SAMD10: variants seen among roughly 807,000 people sequenced by gnomAD.
SAMD10 encodes sterile alpha motif domain-containing protein 10.
In SAMD10, 16 loss-of-function variants were observed where a neutral mutation model predicts 22.5. The ratio of observed to expected loss-of-function variants is 0.71; its 90% CI spans 0.48 to 1.08. The LOEUF (loss-of-function observed/expected upper bound fraction) is 1.08, where lower values mean the gene tolerates loss of function less well. Among genes scored for constraint, SAMD10 ranks in the 50% least tolerant of loss-of-function variants. The probability of loss-of-function intolerance (pLI) is 0.00; values close to 1 mark genes in which losing one functional copy is unlikely to be tolerated. For missense variants in SAMD10, 227 were observed against 281.3 expected (o/e 0.81, Z 1.38); for synonymous variants, 118 against 122.2 (o/e 0.97, Z 0.23).
At position 63,975,528 on chromosome 20, in the gene SAMD10, G is replaced by C. The variant is rs765703367; in HGVS notation, c.591C>G (p.Ser197=). ...GRSLQLLSQA[S]FGKMS is the part of the protein sequence containing the mutation. ...GCAGCAGCTAGGACATTTTCCCGAA[G>C]GAAGCTGTGTGATGGAAGAGGGTGA... Residue 197 remains serine (S), a synonymous_variant, in exon 5 of 5, where the codon TCC becomes TCG. Transcript: ENST00000369886. 6.2e-7 allele frequency: 1 copy of C among 1,607,022 alleles called. No homozygotes were observed. The highest frequency in any genetic ancestry group is 8.5e-7 in the Non-Finnish European group (1 of 1,177,960).
chr20:63,975,871 A>C, intron 3 of SAMD10, 39 bp from the exon 4 acceptor site: 1 of 1,520,794 alleles, frequency 6.6e-7, no homozygotes, highest in Non-Finnish European at 8.8e-7. Flanking sequence ...AGGCCAACAG[A>C]GGCATCAAGA....
At chr20:63,976,283 C>T (rs536988939) in intron 3 of SAMD10, among the ~76,000 whole-genome samples, 18 of 151,314 alleles carry the variant, frequency 1.2e-4, no homozygotes, top group Admixed American at 2.0e-4. Flanking sequence ...CAGAGAGACT[C>T]GGAGAGAGGG....
chr20:63,975,617 C>T (rs1449851853), intron 4 of SAMD10, 75 bp downstream of exon 4: 1 of 1,580,882 alleles, frequency 6.3e-7, no homozygotes, highest in East Asian at 2.3e-5. Context: ...CAGCCGACCT[C>T]CTGAGGTCAT....
chr20:63,978,041 G>A (rs817347), intron 1 of SAMD10, among the ~76,000 whole-genome samples: 38,940 of 152,180 alleles, frequency 0.26, 6,269 homozygotes, highest in African/African-American at 0.45. Flanking sequence ...CAGCTGTGCC[G>A]CCCCCCACAG....
chr20:63,977,099 G>A lies in SAMD10; in HGVS notation c.317C>T (p.Pro106Leu), dbSNP rs1032366676. Residue 106 changes from proline (P) to leucine (L), a missense_variant, in exon 3 of 5, where the codon CCC becomes CTC. Physicochemically the swap from Pro to Leu is moderately conservative, Grantham distance 98. Transcript: ENST00000369886. This position sits in a 1 kb window ranked among gnomAD's most constrained non-coding sequence, Gnocchi z 5.4. Reference protein sequence around the residue: ...SDHYGLYHTSPSLGGLTRPVV... With the variant: ...SDHYGLYHTSLSLGGLTRPVV... ...GGGCCGGGTCAGGCCACCCAGCGAG[G>A]GGCTTGTATGGTACAGGCCATAGTG... is the stretch of plus-strand genomic sequence containing the variant. 1.2e-6 allele frequency: 2 copies of A among 1,614,010 alleles called. No individual in the cohort carries two copies. Among genetic ancestry groups the A allele is most frequent in the African/African-American group, 2.7e-5 (2 of 74,908 alleles).
At chr20:63,975,558 G>T (rs754431455) in intron 4 of SAMD10, 26 bp from the exon 5 acceptor site, 1 of 1,602,916 alleles carries the variant, frequency 6.2e-7, no homozygotes. Flanking sequence ...GGGTGAGAAT[G>T]GGGTGGGGTC....
At position 63,975,315 on chromosome 20, in the gene SAMD10, G is replaced by C; in HGVS notation, c.*195C>G. ...ACTCAAGCAGCCCCCTACCCACCCA[G>C]CCCCAGGGCACGACCTGGAATGTCC... On this transcript the variant is annotated 3_prime_UTR_variant, in exon 5 of 5. Coordinates refer to ENST00000369886, the MANE Select transcript of SAMD10 (RefSeq NM_080621.5). 11 of 588,798 alleles carry C rather than the reference G, an allele frequency of 1.9e-5. No homozygotes were observed. The highest frequency in any genetic ancestry group is 2.0e-5 in the Non-Finnish European group (7 of 346,252). 36.5% of individuals were successfully genotyped at this position (588,798 alleles called of 1,614,324 possible).
chr20:63,978,047 C>T (rs947157636), intron 1 of SAMD10, among the ~76,000 whole-genome samples: 1 of 152,274 alleles, frequency 6.6e-6, no homozygotes, highest in Non-Finnish European at 1.5e-5. Flanking sequence ...TGCCGCCCCC[C>T]ACAGGGCCTG....
rs1465525146 is a variant in SAMD10, at chr20:63,975,678, C to T, written c.586+14G>A. On this transcript the variant is annotated intron_variant, in intron 4 of 4. Coordinates refer to ENST00000369886, the MANE Select transcript of SAMD10 (RefSeq NM_080621.5). Reference sequence around the variant, plus strand: ...TCCATCAGCCCCCAGGCCTCTCTGGCACCTCACACTGACCTTGGCTGAGCA... The same window carrying T: ...TCCATCAGCCCCCAGGCCTCTCTGGTACCTCACACTGACCTTGGCTGAGCA... 1 of 1,591,660 alleles carries T rather than the reference C, an allele frequency of 6.3e-7. No homozygotes were observed. The highest frequency in any genetic ancestry group is 8.6e-7 in the Non-Finnish European group (1 of 1,168,476).
Position 63,979,622 on chromosome 20 carries a change from A to G in SAMD10, c.-155T>C, listed in dbSNP as rs1337432988. 3 of 984,704 alleles carry G rather than the reference A, an allele frequency of 3.0e-6. No individual in the cohort carries two copies. The highest frequency in any genetic ancestry group is 3.6e-6 in the Non-Finnish European group (3 of 830,004). 61.0% of individuals were successfully genotyped at this position (984,704 alleles called of 1,614,324 possible). On this transcript the variant is annotated 5_prime_UTR_variant, in exon 1 of 5. Transcript: ENST00000369886. The surrounding 1 kb of genome is among the most constrained non-coding windows in gnomAD (Gnocchi z 7.7). ...GGCCCGCGAGTGTGCGCGACGAGGC[A>G]CCTGCCGCCGAGCCCTGTGTGCCGG... is the stretch of plus-strand genomic sequence containing the variant.
rs2122937258 is a variant in SAMD10 at position 63,977,479 on chromosome 20, C to T, written c.92-73G>A. ...GCTTCCTCTACTTGAGAGCTAGCTCCCTGCCCCATCTCCTCCACACTAGTG... is the reference window on the plus strand; with the variant it reads ...GCTTCCTCTACTTGAGAGCTAGCTCTCTGCCCCATCTCCTCCACACTAGTG... On this transcript the variant is annotated intron_variant, in intron 1 of 4. Transcript: ENST00000369886. The surrounding 1 kb of genome is among the most constrained non-coding windows in gnomAD (Gnocchi z 5.4). 4.1e-6 allele frequency: 6 copies of T among 1,460,846 alleles called. No homozygotes were observed. Among genetic ancestry groups the T allele is most frequent in the Non-Finnish European group, 5.7e-6 (6 of 1,061,068 alleles). 90.5% of individuals were successfully genotyped at this position (1,460,846 alleles called of 1,614,324 possible). A position where few individuals can be genotyped will look rare whatever the true frequency, so the allele number is the denominator to read the frequency against.
chr20:63,979,854 C>G (rs1457440219), upstream of SAMD10: 1 of 201,234 alleles, frequency 5.0e-6, no homozygotes, highest in African/African-American at 2.4e-5. The surrounding 1 kb of genome is among the most constrained non-coding windows in gnomAD (Gnocchi z 7.7). Context: ...TTCTACCTAC[C>G]GGGGCCAGGA....
At position 63,975,146 on chromosome 20, in the gene SAMD10, C is replaced by A; in HGVS notation, c.*364G>T. ...AGCAGGCGATGGGGGACCGACATCA[C>A]GTGGAGAGGGGAATGTAAATAAACA... On this transcript the variant is annotated 3_prime_UTR_variant, in exon 5 of 5. Coordinates refer to ENST00000369886, the MANE Select transcript of SAMD10 (RefSeq NM_080621.5). The A allele has an allele frequency of 3.2e-6, 1 of 310,720 alleles. No individual in the cohort carries two copies. The highest frequency in any genetic ancestry group is 3.3e-5 in the South Asian group (1 of 30,738). 19.2% of individuals were successfully genotyped at this position (310,720 alleles called of 1,614,324 possible). A position where few individuals can be genotyped will look rare whatever the true frequency, so the allele number is the denominator to read the frequency against.
In SAMD10 at chr20:63,979,289, C is replaced by G. The variant is rs1453086735; in HGVS notation, c.91+88G>C. The G allele has an allele frequency of 9.8e-7, 1 of 1,016,482 alleles. No individual in the cohort carries two copies. Among genetic ancestry groups the G allele is most frequent in the Non-Finnish European group, 1.3e-6 (1 of 751,848 alleles). The allele number at this position is 1,016,482 out of a possible 1,614,324, so 63.0% of individuals were successfully genotyped here. On this transcript the variant is annotated intron_variant, in intron 1 of 4. Coordinates refer to ENST00000369886, the MANE Select transcript of SAMD10 (RefSeq NM_080621.5). This position sits in a 1 kb window ranked among gnomAD's most constrained non-coding sequence, Gnocchi z 7.7. Reference sequence around the variant, plus strand: ...TACCCCCAGCCACCGCCGCTCGAAGCCCGCCGGGTCCCGCCCCGCCCCCGT... The same window carrying G: ...TACCCCCAGCCACCGCCGCTCGAAGGCCGCCGGGTCCCGCCCCGCCCCCGT...
rs371862613 is a variant in SAMD10 at position 63,975,601 on chromosome 20, G to A, written c.587-69C>T. 9 of 1,582,262 alleles carry A rather than the reference G, an allele frequency of 5.7e-6. No homozygotes were observed. In the African/African-American group the frequency reaches 6.9e-5, roughly 12 times the overall value. On this transcript the variant is annotated intron_variant, in intron 4 of 4. Transcript: ENST00000369886. ...TCATCTGCATTAGGGCGCTTACTGG[G>A]GCCTGCAGCCGACCTCCTGAGGTCA...
rs188340944 is a variant in SAMD10 at position 63,977,857 on chromosome 20, T to G, written c.92-451A>C. Among the ~76,000 whole-genome samples, 1 of 152,232 alleles carries G rather than the reference T, an allele frequency of 6.6e-6. No individual in the cohort carries two copies. Among genetic ancestry groups the G allele is most frequent in the Non-Finnish European group, 1.5e-5 (1 of 68,038 alleles). On this transcript the variant is annotated intron_variant, in intron 1 of 4. Coordinates refer to ENST00000369886, the MANE Select transcript of SAMD10 (RefSeq NM_080621.5). This position sits in a 1 kb window ranked among gnomAD's most constrained non-coding sequence, Gnocchi z 5.4. ...AGATCCCGAGTCCGGGGAGGTCGTC[T>G]GTGCTGGGGAAACCGGGCTGAGGAT...
intron 4 of SAMD10, 71 bp downstream of exon 4, chr20:63,975,621 A>T (rs2059016664): frequency 1.9e-6 from 3 of 1,577,270 alleles, no homozygotes; most frequent in Non-Finnish European, 2.6e-6. Flanking sequence ...CGACCTCCTG[A>T]GGTCATCCCA....
rs2059046877 is a variant in SAMD10, at chr20:63,979,281, G to T, written c.91+96C>A. On this transcript the variant is annotated intron_variant, in intron 1 of 4. Coordinates refer to ENST00000369886, the MANE Select transcript of SAMD10 (RefSeq NM_080621.5). This position sits in a 1 kb window ranked among gnomAD's most constrained non-coding sequence, Gnocchi z 7.7. ...CCGCCGAATACCCCCAGCCACCGCC[G>T]CTCGAAGCCCGCCGGGTCCCGCCCC... 1 of 913,652 alleles carries T rather than the reference G, an allele frequency of 1.1e-6. No individual in the cohort carries two copies. The highest frequency in any genetic ancestry group is 2.0e-5 in the South Asian group (1 of 50,946). 56.6% of individuals were successfully genotyped at this position (913,652 alleles called of 1,614,324 possible).
chr20:63,975,489 G>C lies in SAMD10; in HGVS notation c.*21C>G, dbSNP rs2059015542. On this transcript the variant is annotated 3_prime_UTR_variant, in exon 5 of 5. Coordinates refer to ENST00000369886, the MANE Select transcript of SAMD10 (RefSeq NM_080621.5). ...GACTCCCATCACAGTGCTGGGGTCT[G>C]GGTTCAAGCCTCAGCAGCAGCTAGG... 1.2e-6 allele frequency: 2 copies of C among 1,611,410 alleles called. No homozygotes were observed. The highest frequency in any genetic ancestry group is 2.2e-5 in the East Asian group (1 of 44,830).
Sources: allele counts gnomAD v4.1 joint callset (sites outside exome capture counted in the v4.1 genomes callset), GRCh38; gene constraint gnomAD v4.1.1; non-coding constraint Gnocchi (gnomAD v3.1); transcripts MANE v1.5; gene names NCBI Gene and HGNC (gene_info 2026-07-23, HGNC 2026-07-21).